Variants in CPNE8 observed in about 807,000 individuals in gnomAD.
CPNE8 encodes copine 8.
A neutral mutation model predicts 81.5 loss-of-function variants in CPNE8; 45 were observed. The observed-to-expected ratio is 0.55, with a 90% confidence interval of 0.44 to 0.71. The LOEUF (loss-of-function observed/expected upper bound fraction) is 0.71, where lower values mean the gene tolerates loss of function less well. Ranked by LOEUF, CPNE8 falls within the 30% of genes least tolerant of loss-of-function variation. CPNE8 has a pLI of 0.00. For synonymous variants in CPNE8, 252 were observed against 226.3 expected, an observed-to-expected ratio of 1.11 and a Z score of -1.02; for missense variants, 594 against 672.1, an observed-to-expected ratio of 0.88 and a Z score of 1.28.
rs11169201 is a variant in CPNE8, at chr12:38,705,779, C to A, written c.915-2858G>T. 5.2e-3 allele frequency among the ~76,000 whole-genome samples: 790 copies of A among 152,050 alleles called. 7 individuals are homozygous for A. The highest frequency in any genetic ancestry group is 0.018 in the African/African-American group (762 of 41,474). The stretch of plus-strand genomic sequence containing the variant: ...ATGAACTGGGTTTGAGTCCCAGCAA[C>A]CCAGTTGGTGACCTTAGCCAAATTT... On this transcript the variant is annotated intron_variant, in intron 13 of 19. Transcript: ENST00000331366.
intron 3 of CPNE8, among the ~76,000 whole-genome samples, chr12:38,861,940 T>G (rs1364691275): frequency 6.6e-6 from 1 of 152,172 alleles, no homozygotes; most frequent in Non-Finnish European, 1.5e-5. Flanking sequence ...TATAATCTGC[T>G]AATGTTGGTA....
chr12:38,666,517 T>A (rs1939059115), intron 19 of CPNE8, among the ~76,000 whole-genome samples: 1 of 152,170 alleles, frequency 6.6e-6, no homozygotes, highest in Admixed American at 6.6e-5. Context: ...TGGAGAGGGC[T>A]GTGTGACAGG....
intron 19 of CPNE8, among the ~76,000 whole-genome samples, chr12:38,658,024 G>T (rs539994160): frequency 6.6e-6 from 1 of 152,140 alleles, no homozygotes; most frequent in Non-Finnish European, 1.5e-5. Flanking sequence ...GCCAGTAATG[G>T]AACAAAGATG....
intron 6 of CPNE8, among the ~76,000 whole-genome samples, chr12:38,781,989 G>A (rs1222801424): frequency 6.6e-6 from 1 of 152,054 alleles, no homozygotes; most frequent in Non-Finnish European, 1.5e-5. Flanking sequence ...AATTCTGAAT[G>A]AATTCTGGTA....
intron 6 of CPNE8, among the ~76,000 whole-genome samples, chr12:38,798,106 C>G (rs1314380822): frequency 1.3e-5 from 2 of 151,518 alleles, no homozygotes; most frequent in African/African-American, 4.9e-5. Flanking sequence ...GAGAATGGAA[C>G]CAAGTTGGAA....
At chr12:38,835,112 C>G (rs1282775249) in intron 5 of CPNE8, among the ~76,000 whole-genome samples, 1 of 152,132 alleles carries the variant, frequency 6.6e-6, no homozygotes, top group Non-Finnish European at 1.5e-5. Flanking sequence ...GTCTCAATCT[C>G]CTGACCTCGT....
chr12:38,676,414 CT>C, intron 17 of CPNE8: 1 of 443,150 alleles, frequency 2.3e-6, no homozygotes, highest in Non-Finnish European at 3.0e-6. Flanking sequence ...CTTTGGGTAT[CT>C]TTTTCCTCTT....
At chr12:38,832,231 C>T (rs1263479715) in intron 5 of CPNE8, among the ~76,000 whole-genome samples, 1 of 152,248 alleles carries the variant, frequency 6.6e-6, no homozygotes, top group East Asian at 1.9e-4. Context: ...GTAATGAGGA[C>T]GATTTCATAC....
intron 3 of CPNE8, among the ~76,000 whole-genome samples, chr12:38,859,605 C>A (rs1943799575): frequency 6.6e-6 from 1 of 151,998 alleles, no homozygotes; most frequent in Non-Finnish European, 1.5e-5. Flanking sequence ...CACAAAAGAT[C>A]CTGAATAGCT....
chr12:38,851,404 T>C (rs1443814297), intron 3 of CPNE8, among the ~76,000 whole-genome samples: 1 of 152,236 alleles, frequency 6.6e-6, no homozygotes. Flanking sequence ...TTACCAAGTT[T>C]ACTTCTTGTC....
intron 6 of CPNE8, among the ~76,000 whole-genome samples, chr12:38,777,426 A>T (rs779500434): frequency 3.3e-5 from 5 of 152,226 alleles, no homozygotes; most frequent in Non-Finnish European, 5.9e-5. Context: ...AAGTAAAAAC[A>T]TTATAGTAAG....
chr12:38,829,541 T>C, intron 5 of CPNE8, 86 bp from the exon 6 acceptor site: 1 of 876,576 alleles, frequency 1.1e-6, no homozygotes, highest in Non-Finnish European at 1.8e-6. Context: ...CTGCATTGTT[T>C]TCATTGCTGA....
chr12:38,778,420 T>C (rs369284066), intron 6 of CPNE8, among the ~76,000 whole-genome samples: 1 of 152,228 alleles, frequency 6.6e-6, no homozygotes, highest in Non-Finnish European at 1.5e-5. Flanking sequence ...TTAAAACCTA[T>C]CTAAAACTAT....
At chr12:38,729,628 A>T (rs1439523872) in intron 11 of CPNE8, among the ~76,000 whole-genome samples, 2 of 152,086 alleles carry the variant, frequency 1.3e-5, no homozygotes, top group African/African-American at 4.8e-5. Flanking sequence ...AAGTATTACC[A>T]TTCTTGATTA....
intron 10 of CPNE8, among the ~76,000 whole-genome samples, chr12:38,732,498 A>G (rs1392675310): frequency 6.6e-6 from 1 of 151,970 alleles, no homozygotes; most frequent in East Asian, 1.9e-4. Context: ...AGTGAACAAC[A>G]GGTCTACGAC....
At chr12:38,874,628 C>T in intron 1 of CPNE8, 117 bp from the exon 2 acceptor site, 2 of 604,788 alleles carry the variant, frequency 3.3e-6, no homozygotes, top group East Asian at 3.1e-5. Context: ...CATACTCATA[C>T]ACACACATAT....
intron 7 of CPNE8, among the ~76,000 whole-genome samples, chr12:38,775,467 A>C (rs1379763888): frequency 2.6e-5 from 4 of 152,236 alleles, no homozygotes; most frequent in African/African-American, 9.6e-5. Context: ...AAAAGTAAAG[A>C]GCACTAGAGG....
At chr12:38,777,280 A>G (rs1211725425) in intron 6 of CPNE8, among the ~76,000 whole-genome samples, 3 of 152,202 alleles carry the variant, frequency 2.0e-5, no homozygotes, top group African/African-American at 7.2e-5. Context: ...AAAAATAAAT[A>G]AATAACTTAA....
chr12:38,765,968 C>G (rs551161477), intron 8 of CPNE8, among the ~76,000 whole-genome samples: 1 of 152,016 alleles, frequency 6.6e-6, no homozygotes, highest in African/African-American at 2.4e-5. Context: ...AAGCAATTCT[C>G]CTGCCTCAGC....
Sources: allele counts gnomAD v4.1 joint callset (sites outside exome capture counted in the v4.1 genomes callset), GRCh38; gene constraint gnomAD v4.1.1; transcripts MANE v1.5; gene names NCBI Gene and HGNC (gene_info 2026-07-23, HGNC 2026-07-21).